The following DSP variants were observed in gnomAD, a reference collection of about 807,000 sequenced individuals.
DSP encodes the protein desmoplakin.
A neutral mutation model predicts 290.6 loss-of-function variants in DSP; 114 were observed. That is an observed-to-expected ratio of 0.39 (90% confidence interval 0.34 to 0.46). DSP has a LOEUF of 0.46. Among genes scored for constraint, DSP ranks in the 20% least tolerant of loss-of-function variants. The pLI is 0.99. For synonymous variants in DSP, 1,311 were observed against 1,316.4 expected, an observed-to-expected ratio of 1.00 and a Z score of 0.09; for missense variants, 3,230 against 3,495.8, an observed-to-expected ratio of 0.92 and a Z score of 1.92.
rs28763959 is a variant in DSP at position 7,563,890 on chromosome 6, G to A, written c.777+104G>A. On this transcript the variant is annotated intron_variant, in intron 6 of 23. Coordinates refer to ENST00000379802, the MANE Select transcript of DSP (RefSeq NM_004415.4). ...CCTGGCGGGGAGGCACCTGTTCATC[G>A]ATGCTAATGTTGTTGCTGCTGCTGA... The A allele has an allele frequency of 5.3e-3, 5,333 of 1,000,542 alleles. 156 individuals carry two copies. The African/African-American group carries it at 0.067, about 13-fold the overall frequency. The allele number at this position is 1,000,542 out of a possible 1,614,324, so 62.0% of individuals were successfully genotyped here.
In DSP at chr6:7,581,091, G is replaced by A. The variant is rs144106775; in HGVS notation, c.4901G>A (p.Arg1634Gln). Residue 1634 changes from arginine (R) to glutamine (Q), a missense_variant, in exon 23 of 24, where the codon CGG (arginine) becomes CAG (glutamine). Arg to Gln is a conservative substitution (Grantham distance 43). Coordinates refer to ENST00000379802, the MANE Select transcript of DSP (RefSeq NM_004415.4). ...IVKKRSEDDL[R>Q]QQRDVLDGHL... ...AAGAAGAGGAGTGAGGATGACCTCC[G>A]GCAGCAGAGGGACGTGCTGGATGGC... 3.7e-5 allele frequency: 59 copies of A among 1,613,936 alleles called. No individual in the cohort carries two copies. The highest frequency in any genetic ancestry group is 2.0e-4 in the South Asian group (18 of 91,088).
In DSP at chr6:7,584,828, A is replaced by G. The variant is rs1203430053; in HGVS notation, c.7566A>G (p.Arg2522=). The G allele has an allele frequency of 1.9e-6, 3 of 1,614,078 alleles. No individual in the cohort carries two copies. The African/African-American group carries it at 4.0e-5, about 22-fold the overall frequency. ...DGSTRVVLVD[R]KTGSQYDIQD... is the part of the protein sequence containing the mutation. ...CCACCAGGGTGGTCCTGGTAGATAG[A>G]AAGACAGGCAGTCAGTATGATATTC... The change falls in exon 24 of 24, where the codon AGA becomes AGG. Residue 2522 remains arginine, a synonymous_variant. Transcript: ENST00000379802. The surrounding 1 kb of genome is among the most constrained non-coding windows in gnomAD (Gnocchi z 6.4).
chr6:7,560,963 T>G lies in DSP; in HGVS notation c.597+1563T>G, dbSNP rs188566238. ...CAGTTTTATGTCATTTTCTTTTTTT[T>G]TTTTTTGAGAGGGAGTCTCACTCTG... is the stretch of plus-strand genomic sequence containing the variant. On this transcript the variant is annotated intron_variant, in intron 4 of 23. Coordinates refer to ENST00000379802, the MANE Select transcript of DSP (RefSeq NM_004415.4). Among the ~76,000 whole-genome samples the G allele has an allele frequency of 4.9e-3, 751 of 152,164 alleles. 2 individuals carry two copies. Among genetic ancestry groups the G allele is most frequent in the African/African-American group, 0.017 (712 of 41,502 alleles).
chr6:7,577,298 A>T (rs1041415807), intron 20 of DSP, among the ~76,000 whole-genome samples: 9 of 152,116 alleles, frequency 5.9e-5, no homozygotes, highest in African/African-American at 1.9e-4. Context: ...GCATACAAAG[A>T]TGTACTGCTT....
chr6:7,574,788 G>C lies in DSP; in HGVS notation c.2429G>C (p.Gly810Ala). ...GATAAAGTGGAAGCTTACCGCTGTG[G>C]ACTGAAGGTAACTTGAAAGCTTATA... ...DLDKVEAYRC[G>A]LKKIKNDLNL... Residue 810 changes from glycine (G) to alanine (A), a missense_variant, in exon 17 of 24, where the codon GGA (glycine) becomes GCA (alanine). Around this residue, in one of 5 missense-constraint regions of DSP, gnomAD observed 1,714 missense variants for 1,844.5 expected, o/e 0.93. Transcript: ENST00000379802. The C allele has an allele frequency of 6.2e-7, 1 of 1,614,164 alleles. No individual in the cohort carries two copies.
At chr6:7,542,330 G>T (rs1029152190) in intron 1 of DSP, among the ~76,000 whole-genome samples, 1 of 152,174 alleles carries the variant, frequency 6.6e-6, no homozygotes, top group Non-Finnish European at 1.5e-5. Context: ...GAGCCCGGGC[G>T]GGTGGTCAGA....
Position 7,569,288 on chromosome 6 carries a change from G to A in DSP, c.1522G>A (p.Val508Met), listed in dbSNP as rs751537483. The A allele has an allele frequency of 3.1e-6, 5 of 1,614,122 alleles. No homozygotes were observed. The Admixed American group carries it at 6.7e-5, about 22-fold the overall frequency. Residue 508 changes from valine (V) to methionine (M), a missense_variant, in exon 12 of 24, where the codon GTG becomes ATG. Coordinates refer to ENST00000379802, the MANE Select transcript of DSP (RefSeq NM_004415.4). ...PGGVDMLVPS[V>M]GLIIPPPNPL... ...AGGCGTTGACATGCTTGTTCCCTCT[G>A]TGGGGCTGATCATCCCTCCTCCGAA...
chr6:7,582,878 C>T lies in DSP; in HGVS notation c.5616C>T (p.Ser1872=). ...NDLNQWKTQY[S]RKEEAIRKIE... is the part of the protein sequence containing the mutation. ...TGAATCAGTGGAAGACTCAATATTC[C>T]CGCAAGGAGGAGGCTATTAGGAAGA... is the stretch of plus-strand genomic sequence containing the variant. The change falls in exon 24 of 24, where the codon TCC becomes TCT. Residue 1872 remains serine (S), a synonymous_variant. Coordinates refer to ENST00000379802, the MANE Select transcript of DSP (RefSeq NM_004415.4). The surrounding 1 kb of genome is among the most constrained non-coding windows in gnomAD (Gnocchi z 4.2). The T allele has an allele frequency of 6.2e-7, 1 of 1,613,926 alleles. No homozygotes were observed.
chr6:7,574,727 A>G lies in DSP; in HGVS notation c.2368A>G (p.Arg790Gly), dbSNP rs747514474. 6.2e-7 allele frequency: 1 copy of G among 1,614,176 alleles called. No individual in the cohort carries two copies. The highest frequency in any genetic ancestry group is 1.1e-5 in the South Asian group (1 of 91,084). ...AGACATGTTAAAGGTTTATGAAGCC[A>G]GGCTCACTGAGGAGGAAACTGTCTG... ...TEDMLKVYEA[R>G]LTEEETVCLD... Residue 790 changes from arginine (R) to glycine (G), a missense_variant, in exon 17 of 24, where the codon AGG (arginine) becomes GGG (glycine). By Grantham distance (125) the Arg-to-Gly change is moderately radical. Around this residue, in one of 5 missense-constraint regions of DSP, gnomAD observed 1,714 missense variants for 1,844.5 expected, o/e 0.93. Transcript: ENST00000379802.
At chr6:7,555,925 G>T (rs764440076) in intron 2 of DSP, 105 bp downstream of exon 2, 9 of 952,420 alleles carry the variant, frequency 9.4e-6, no homozygotes, top group African/African-American at 6.5e-5. Context: ...CCTCTTTCAC[G>T]TAGTGTTTAG....
At chr6:7,558,065 G>T (rs368440096) in intron 2 of DSP, 51 bp from the exon 3 acceptor site, 2 of 1,610,658 alleles carry the variant, frequency 1.2e-6, no homozygotes, top group Non-Finnish European at 1.7e-6. Flanking sequence ...GCCCATGAAG[G>T]TTTTCTTCCT....
At chr6:7,554,119 A>ACACACACACACACG (rs1183696082) in intron 1 of DSP, among the ~76,000 whole-genome samples, 3 of 151,410 alleles carry the variant, frequency 2.0e-5, no homozygotes, top group Non-Finnish European at 4.4e-5. Flanking sequence ...ACACACACAC[A>ACACACACACACACG]CACACACCCA....
At chr6:7,550,218 G>A (rs962993043) in intron 1 of DSP, among the ~76,000 whole-genome samples, 1 of 139,684 alleles carries the variant, frequency 7.2e-6, no homozygotes, top group Non-Finnish European at 1.6e-5. Context: ...CAGCTGTTTT[G>A]TTTTTGTTTT....
At chr6:7,560,793 ATC>A (rs1313166555) in intron 4 of DSP, among the ~76,000 whole-genome samples, 2 of 152,328 alleles carry the variant, frequency 1.3e-5, no homozygotes, top group East Asian at 3.9e-4. Context: ...GAAATGTCAT[ATC>A]TCCTAAAGTT....
chr6:7,583,637 G>A lies in DSP; in HGVS notation c.6375G>A (p.Leu2125=), dbSNP rs2113700156. 2 of 1,614,180 alleles carry A rather than the reference G, an allele frequency of 1.2e-6. No homozygotes were observed. Among genetic ancestry groups the A allele is most frequent in the African/African-American group, 1.3e-5 (1 of 75,036 alleles). Reference sequence around the variant, plus strand: ...ATAGAGAAACCGGAATGCGCCTGCTGGAAGCCCAGATTGCTTCAGGGGGTG... The same window carrying A: ...ATAGAGAAACCGGAATGCGCCTGCTAGAAGCCCAGATTGCTTCAGGGGGTG... ...LIDRETGMRL[L]EAQIASGGVV... The change falls in exon 24 of 24, where the codon CTG becomes CTA. Residue 2125 remains leucine, a synonymous_variant. Coordinates refer to ENST00000379802, the MANE Select transcript of DSP (RefSeq NM_004415.4). The surrounding 1 kb of genome is among the most constrained non-coding windows in gnomAD (Gnocchi z 4.0).
chr6:7,543,023 T>G (rs1159236470), intron 1 of DSP, among the ~76,000 whole-genome samples: 1 of 151,802 alleles, frequency 6.6e-6, no homozygotes, highest in Non-Finnish European at 1.5e-5. Flanking sequence ...GGTCAGCTTC[T>G]CCGGATCCCA....
intron 2 of DSP, among the ~76,000 whole-genome samples, chr6:7,557,024 C>T (rs986618794): frequency 6.6e-6 from 1 of 152,018 alleles, no homozygotes; most frequent in Non-Finnish European, 1.5e-5. Flanking sequence ...CATCAACGTG[C>T]AATAAATAAA....
rs753817394 is a variant in DSP, at chr6:7,577,014, T to A, written c.2849T>A (p.Ile950Asn). 6.2e-7 allele frequency: 1 copy of A among 1,612,668 alleles called. No individual in the cohort carries two copies. The highest frequency in any genetic ancestry group is 8.5e-7 in the Non-Finnish European group (1 of 1,179,352). Reference sequence around the variant, plus strand: ...GACAAATCAGAGGAAGTACAAAAAATTGCTGAACTTTGCGCCAATTCAATT... The same window carrying A: ...GACAAATCAGAGGAAGTACAAAAAAATGCTGAACTTTGCGCCAATTCAATT... ...KRDKSEEVQK[I>N]AELCANSIKD... The change falls in exon 20 of 24, where the codon ATT (isoleucine) becomes AAT (asparagine). Residue 950 changes from isoleucine (I) to asparagine (N), a missense_variant. Transcript: ENST00000379802.
chr6:7,573,176 A>G (rs1561691596), intron 15 of DSP, among the ~76,000 whole-genome samples: 1 of 151,956 alleles, frequency 6.6e-6, no homozygotes, highest in East Asian at 1.9e-4. Flanking sequence ...GTGTGTATAT[A>G]TCTTAAGGGA....
Sources: allele counts gnomAD v4.1 joint callset (sites outside exome capture counted in the v4.1 genomes callset), GRCh38; gene constraint gnomAD v4.1.1; regional missense constraint gnomAD v4.1.1; non-coding constraint Gnocchi (gnomAD v3.1); transcripts MANE v1.5; gene names NCBI Gene and HGNC (gene_info 2026-07-23, HGNC 2026-07-21).